The following CNTN5 variants were observed in gnomAD, a reference collection of about 807,000 sequenced individuals.
CNTN5 encodes the protein contactin-5.
CNTN5 carries 77 observed loss-of-function variants against 129.1 expected under a neutral mutation model. The observed-to-expected ratio is 0.60, with a 90% CI of 0.50 to 0.72. CNTN5 has a LOEUF of 0.72. CNTN5 is among the 30% of genes least tolerant of loss of function. The pLI is 0.00. For synonymous variants in CNTN5, 509 were observed against 465.6 expected (o/e 1.09, Z -1.20); for missense variants, 1,478 against 1,328.8 (o/e 1.11, Z -1.75).
chr11:99,914,926 C>T (rs1252044329), intron 6 of CNTN5, among the ~76,000 whole-genome samples: 2 of 152,030 alleles, frequency 1.3e-5, no homozygotes, highest in African/African-American at 2.4e-5. Flanking sequence ...TTCATATCCA[C>T]TAGTGTATTT....
intron 6 of CNTN5, among the ~76,000 whole-genome samples, chr11:99,908,910 G>A (rs565049717): frequency 6.6e-6 from 1 of 151,982 alleles, no homozygotes; most frequent in Admixed American, 6.6e-5. Context: ...ATTAATGTCT[G>A]ATAATATGTA....
chr11:99,949,334 C>T (rs1950621541), intron 7 of CNTN5, among the ~76,000 whole-genome samples: 1 of 152,110 alleles, frequency 6.6e-6, no homozygotes, highest in African/African-American at 2.4e-5. Context: ...GGAACGACTC[C>T]ACAGCCTTTC....
Position 99,501,475 on chromosome 11 carries a change from C to T in CNTN5, c.-70-54670C>T, listed in dbSNP as rs530098531. Among the ~76,000 whole-genome samples, 7 of 152,244 alleles carry T rather than the reference C, an allele frequency of 4.6e-5. No individual in the cohort carries two copies. In the South Asian group the frequency reaches 1.4e-3, roughly 32 times the overall value. ...TGAGTCCTTTCCCAACTAAGTAAAC[C>T]TGAAATGTACATGCATCCTTCAAGA... is the stretch of plus-strand genomic sequence containing the variant. On this transcript the variant is annotated intron_variant, in intron 2 of 24. Coordinates refer to ENST00000524871, the MANE Select transcript of CNTN5 (RefSeq NM_014361.4).
At chr11:100,066,238 C>T (rs916253187) in intron 10 of CNTN5, among the ~76,000 whole-genome samples, 2 of 152,082 alleles carry the variant, frequency 1.3e-5, no homozygotes, top group African/African-American at 4.8e-5. Context: ...CATAATAGAG[C>T]AAGGGCATGG....
rs1439804777 is a variant in CNTN5 at position 99,441,880 on chromosome 11, T to A, written c.-70-114265T>A. Reference sequence around the variant, plus strand: ...TATTTTGAGATGTGACTCCATGCGTTTCCATCAGTGTCCAGCCCATCTGGA... The same window carrying A: ...TATTTTGAGATGTGACTCCATGCGTATCCATCAGTGTCCAGCCCATCTGGA... On this transcript the variant is annotated intron_variant, in intron 2 of 24. Coordinates refer to ENST00000524871, the MANE Select transcript of CNTN5 (RefSeq NM_014361.4). Among the ~76,000 whole-genome samples, 12 of 152,278 alleles carry A rather than the reference T, an allele frequency of 7.9e-5. 1 individual carries two copies. The South Asian group carries it at 2.3e-3, about 29-fold the overall frequency.
chr11:99,374,355 C>G (rs186636910), intron 2 of CNTN5, among the ~76,000 whole-genome samples: 1 of 152,318 alleles, frequency 6.6e-6, no homozygotes, highest in Admixed American at 6.5e-5. Context: ...AACCTTGGCT[C>G]AAACATTTAT....
At chr11:99,986,520 A>T (rs577304472) in intron 8 of CNTN5, among the ~76,000 whole-genome samples, 1 of 152,244 alleles carries the variant, frequency 6.6e-6, no homozygotes, top group East Asian at 1.9e-4. Context: ...CTACATCAAG[A>T]AGTTGTCATC....
chr11:99,408,454 GAAAGAA>G (rs779000910), intron 2 of CNTN5, among the ~76,000 whole-genome samples: 120 of 127,630 alleles, frequency 9.4e-4, no homozygotes, highest in African/African-American at 2.7e-3. Flanking sequence ...GAAAGAGAAA[GAAAGAA>G]AGAAAGAAAG....
chr11:99,789,516 C>G (rs918800191), intron 3 of CNTN5, among the ~76,000 whole-genome samples: 1 of 151,894 alleles, frequency 6.6e-6, no homozygotes, highest in East Asian at 1.9e-4. Context: ...TATTGCATAC[C>G]TTACTGTAGA....
At chr11:99,376,181 G>A (rs916142744) in intron 2 of CNTN5, among the ~76,000 whole-genome samples, 2 of 152,170 alleles carry the variant, frequency 1.3e-5, no homozygotes, top group African/African-American at 4.8e-5. Flanking sequence ...TTGACCTCAT[G>A]TTCCAGTCTC....
At chr11:99,163,051 C>T (rs181986393) in intron 1 of CNTN5, among the ~76,000 whole-genome samples, 36 of 152,192 alleles carry the variant, frequency 2.4e-4, no homozygotes, top group Non-Finnish European at 4.9e-4. Flanking sequence ...GAAGAAATTA[C>T]GGAAATAGGA....
At chr11:99,499,605 A>G (rs1946353640) in intron 2 of CNTN5, among the ~76,000 whole-genome samples, 1 of 152,180 alleles carries the variant, frequency 6.6e-6, no homozygotes, top group African/African-American at 2.4e-5. Context: ...GAACAAATGG[A>G]CTAAGACACC....
chr11:99,179,199 C>T (rs1055439825), intron 1 of CNTN5, among the ~76,000 whole-genome samples: 17 of 152,044 alleles, frequency 1.1e-4, no homozygotes, highest in Middle Eastern at 3.2e-3. Context: ...CCCAACACTT[C>T]GGGGGGCCAA....
At chr11:99,991,195 T>C (rs1840193) in intron 8 of CNTN5, among the ~76,000 whole-genome samples, 107,777 of 152,100 alleles carry the variant, frequency 0.71, 38,665 homozygotes, top group African/African-American at 0.82. Flanking sequence ...AGGCCAGGCG[T>C]GGTGGCTCAC....
intron 2 of CNTN5, among the ~76,000 whole-genome samples, chr11:99,489,348 A>T (rs528292478): frequency 2.6e-5 from 4 of 152,338 alleles, no homozygotes; most frequent in Non-Finnish European, 5.9e-5. Context: ...TCTGGTATAT[A>T]AGCATGTAAA....
At chr11:99,798,674 T>G (rs1391108013) in intron 3 of CNTN5, among the ~76,000 whole-genome samples, 4 of 151,992 alleles carry the variant, frequency 2.6e-5, no homozygotes, top group Non-Finnish European at 5.9e-5. Flanking sequence ...TACTGTACCT[T>G]TATAGTTTGA....
rs17134535 is a variant in CNTN5, at chr11:99,864,119, A to G, written c.577+18857A>G. Among the ~76,000 whole-genome samples the G allele has an allele frequency of 4.8e-3, 727 of 152,274 alleles. 4 individuals carry two copies. Among genetic ancestry groups the G allele is most frequent in the African/African-American group, 0.017 (691 of 41,554 alleles). On this transcript the variant is annotated intron_variant, in intron 6 of 24. Coordinates refer to ENST00000524871, the MANE Select transcript of CNTN5 (RefSeq NM_014361.4). ...GGTGCATATTGTTAATGCATGATAT[A>G]TAATAGTATGAAAATGTTAATATTA...
intron 21 of CNTN5, among the ~76,000 whole-genome samples, chr11:100,325,609 C>T (rs1275104907): frequency 6.6e-6 from 1 of 152,170 alleles, no homozygotes; most frequent in Admixed American, 6.5e-5. Context: ...AACAACTTCA[C>T]TCATACATAT....
chr11:99,949,096 T>G (rs1205390861), intron 7 of CNTN5, among the ~76,000 whole-genome samples: 4 of 152,194 alleles, frequency 2.6e-5, no homozygotes, highest in Non-Finnish European at 5.9e-5. Flanking sequence ...CTGGTTAGCT[T>G]TATTTTTTTC....
Sources: gnomAD v4.1 joint callset for allele counts (sites outside exome capture counted in the v4.1 genomes callset) on GRCh38, gnomAD v4.1.1 for gene constraint, MANE v1.5 for transcripts, NCBI Gene and HGNC (gene_info 2026-07-23, HGNC 2026-07-21) for gene names.